The following MAML3 variants were observed in gnomAD, a reference collection of about 807,000 sequenced individuals.
The protein encoded by MAML3 is mastermind like transcriptional coactivator 3.
MAML3 carries 27 observed loss-of-function variants against 101.9 expected under a neutral mutation model. That is an observed-to-expected ratio of 0.27 (90% CI 0.20 to 0.37). The LOEUF (loss-of-function observed/expected upper bound fraction) is 0.37, where lower values mean the gene tolerates loss of function less well. MAML3 is among the 10% of genes least tolerant of loss of function. The pLI is 1.00. For missense variants in MAML3, 1,316 were observed against 1,444.9 expected (o/e 0.91, Z 1.45); for synonymous variants, 501 against 555.9 (o/e 0.90, Z 1.39).
intron 2 of MAML3, among the ~76,000 whole-genome samples, chr4:139,799,271 T>C (rs1391585804): frequency 6.6e-6 from 1 of 152,208 alleles, no homozygotes; most frequent in Non-Finnish European, 1.5e-5. Flanking sequence ...CTTTTATGAG[T>C]GATAACTGTT....
At chr4:139,803,743 T>G (rs994512971) in intron 2 of MAML3, among the ~76,000 whole-genome samples, 17 of 152,318 alleles carry the variant, frequency 1.1e-4, no homozygotes, top group Non-Finnish European at 2.4e-4. Flanking sequence ...ATGTATGCAT[T>G]ACACACATCA....
At chr4:139,834,001 G>C (rs1162614980) in intron 2 of MAML3, among the ~76,000 whole-genome samples, 1 of 152,180 alleles carries the variant, frequency 6.6e-6, no homozygotes, top group Non-Finnish European at 1.5e-5. Flanking sequence ...AATCAGGTTG[G>C]GGGCAGGGGG....
intron 1 of MAML3, among the ~76,000 whole-genome samples, chr4:140,088,131 T>A (rs753081785): frequency 6.6e-6 from 1 of 151,940 alleles, no homozygotes; most frequent in Non-Finnish European, 1.5e-5. Context: ...ACAGGGAGGA[T>A]CATTTGAGCC....
intron 1 of MAML3, among the ~76,000 whole-genome samples, chr4:140,150,277 C>A (rs1729136720): frequency 6.6e-6 from 1 of 152,176 alleles, no homozygotes; most frequent in Non-Finnish European, 1.5e-5. Flanking sequence ...TTTCTATTTT[C>A]AAAAGTAAGC....
chr4:139,886,530 T>C (rs1257108443), intron 2 of MAML3, among the ~76,000 whole-genome samples: 2 of 152,188 alleles, frequency 1.3e-5, no homozygotes, highest in East Asian at 3.8e-4. Context: ...AGTATTTTTC[T>C]ACACATATTA....
At chr4:139,989,882 C>G (rs62347771) in intron 1 of MAML3, among the ~76,000 whole-genome samples, 19,960 of 62,768 alleles carry the variant, frequency 0.32, 1,607 homozygotes, top group South Asian at 0.48. Context: ...CACACACACA[C>G]AGAGAGAGAG....
chr4:140,015,010 A>G (rs1726620175), intron 1 of MAML3, among the ~76,000 whole-genome samples: 1 of 152,256 alleles, frequency 6.6e-6, no homozygotes, highest in African/African-American at 2.4e-5. Flanking sequence ...CAAAAATTCA[A>G]AAAATTTAAA....
intron 2 of MAML3, among the ~76,000 whole-genome samples, chr4:139,814,899 G>C (rs1730867977): frequency 6.6e-6 from 1 of 152,192 alleles, no homozygotes; most frequent in African/African-American, 2.4e-5. Flanking sequence ...ATTTTCTACA[G>C]AGAGTTTTAT....
chr4:139,886,278 T>G (rs1034784137), intron 2 of MAML3, among the ~76,000 whole-genome samples: 4 of 152,116 alleles, frequency 2.6e-5, no homozygotes, highest in African/African-American at 9.7e-5. Context: ...ACTAAGAATT[T>G]TTTTAAAAAA....
Position 139,719,587 on chromosome 4 carries a change from C to A in MAML3, c.3153G>T (p.Leu1051=). Residue 1051 remains leucine (L), a synonymous_variant, in exon 5 of 5, where the codon CTG becomes CTT. Coordinates refer to ENST00000509479, the MANE Select transcript of MAML3 (RefSeq NM_018717.5). ...CTGGCATGCCTGGGACTCCCTGGCTCAGGCCAGACATGACCATTGGCCTCG... is the reference window on the plus strand; with the variant it reads ...CTGGCATGCCTGGGACTCCCTGGCTAAGGCCAGACATGACCATTGGCCTCG... ...SQARPMVMSG[L]SQGVPGMPAF... 1.2e-6 allele frequency: 2 copies of A among 1,613,324 alleles called. No homozygotes were observed. Among genetic ancestry groups the A allele is most frequent in the Non-Finnish European group, 1.7e-6 (2 of 1,179,662 alleles).
chr4:140,109,914 T>C (rs1336008274), intron 1 of MAML3, among the ~76,000 whole-genome samples: 2 of 152,218 alleles, frequency 1.3e-5, no homozygotes, highest in Non-Finnish European at 2.9e-5. Flanking sequence ...AGAGAGTAAT[T>C]ACCATCTTCC....
chr4:139,993,760 G>C (rs750638261), intron 1 of MAML3, among the ~76,000 whole-genome samples: 21 of 152,008 alleles, frequency 1.4e-4, no homozygotes, highest in African/African-American at 4.6e-4. Flanking sequence ...CCTGGGAGGC[G>C]GAGGTTGCAG....
intron 1 of MAML3, among the ~76,000 whole-genome samples, chr4:140,061,694 G>C (rs911708330): frequency 1.3e-5 from 2 of 152,184 alleles, no homozygotes; most frequent in Non-Finnish European, 2.9e-5. Flanking sequence ...TTTTCATGAG[G>C]AAGGCTGTTG....
At chr4:140,059,422 T>C (rs904627844) in intron 1 of MAML3, among the ~76,000 whole-genome samples, 12 of 152,212 alleles carry the variant, frequency 7.9e-5, no homozygotes, top group Non-Finnish European at 1.5e-4. Flanking sequence ...TGGAAAAGTT[T>C]CAAACATCTG....
chr4:139,977,860 G>A (rs1228944234), intron 1 of MAML3, among the ~76,000 whole-genome samples: 2 of 149,774 alleles, frequency 1.3e-5, no homozygotes, highest in African/African-American at 2.5e-5. Flanking sequence ...GCCACAGAGT[G>A]AAACTCCCTA....
At chr4:139,977,755 C>G (rs1411829107) in intron 1 of MAML3, among the ~76,000 whole-genome samples, 3 of 152,010 alleles carry the variant, frequency 2.0e-5, no homozygotes, top group Admixed American at 6.6e-5. Context: ...TGCCTGTAAT[C>G]CAAGCTACTC....
intron 1 of MAML3, among the ~76,000 whole-genome samples, chr4:140,123,974 G>A (rs572024391): frequency 6.6e-5 from 10 of 152,258 alleles, no homozygotes; most frequent in African/African-American, 1.4e-4. Context: ...ACCCCAAAGC[G>A]ACTAAGGCTT....
At chr4:139,784,022 G>C (rs780130254) in intron 2 of MAML3, among the ~76,000 whole-genome samples, 1 of 152,216 alleles carries the variant, frequency 6.6e-6, no homozygotes, top group Non-Finnish European at 1.5e-5. Flanking sequence ...CTGTGGGGGA[G>C]CCACAGATAT....
At chr4:139,776,018 T>C (rs1730088626) in intron 2 of MAML3, among the ~76,000 whole-genome samples, 1 of 152,230 alleles carries the variant, frequency 6.6e-6, no homozygotes, top group African/African-American at 2.4e-5. Flanking sequence ...AACTTATTTA[T>C]GGGAAATAAA....
Sources: gnomAD v4.1 joint callset for allele counts (sites outside exome capture counted in the v4.1 genomes callset) on GRCh38, gnomAD v4.1.1 for gene constraint, MANE v1.5 for transcripts, NCBI Gene and HGNC (gene_info 2026-07-23, HGNC 2026-07-21) for gene names.